Variants in WNK1 observed in about 807,000 individuals in gnomAD.
WNK1 encodes the protein serine/threonine-protein kinase WNK1.
WNK1 carries 38 observed loss-of-function variants against 222.8 expected under a neutral mutation model. The ratio of observed to expected loss-of-function variants is 0.17; its 90% confidence interval spans 0.13 to 0.22. The LOEUF is 0.22. Ranked by LOEUF, WNK1 falls within the 10% of genes least tolerant of loss-of-function variation. The pLI, the probability that WNK1 is intolerant of heterozygous loss-of-function variation, is 1.00. For missense variants in WNK1, 2,348 were observed against 2,918.4 expected (o/e 0.80, Z 4.50); for synonymous variants, 1,090 against 1,092.9 (o/e 1.00, Z 0.05).
chr12:857,257 G>C lies in WNK1; in HGVS notation c.1400+8G>C. The stretch of plus-strand genomic sequence containing the variant: ...ACAAAACAAAGATGAAAGGTAAGTT[G>C]CCTCTTTTGATCTGGGTGATACTTG... On this transcript the variant is annotated splice_region_variant and intron_variant, in intron 5 of 27. Transcript: ENST00000315939. 1 of 1,613,332 alleles carries C rather than the reference G, an allele frequency of 6.2e-7. No homozygotes were observed. The highest frequency in any genetic ancestry group is 1.1e-5 in the South Asian group (1 of 91,072).
rs72649843 is a variant in WNK1 at position 865,185 on chromosome 12, G to A, written c.2139+2915G>A. On this transcript the variant is annotated intron_variant, in intron 8 of 27. Coordinates refer to ENST00000315939, the MANE Select transcript of WNK1 (RefSeq NM_018979.4). ...GCCTCTGTGTCCCGCATCTCTCCCAGTGCTCTTCCACCCCACCGCCAGTAC... is the reference window on the plus strand; with the variant it reads ...GCCTCTGTGTCCCGCATCTCTCCCAATGCTCTTCCACCCCACCGCCAGTAC... The A allele has an allele frequency of 7.4e-6, 11 of 1,486,474 alleles. No individual in the cohort carries two copies. In the African/African-American group the frequency reaches 1.6e-4, roughly 21 times the overall value. The allele number at this position is 1,486,474 out of a possible 1,614,324, so 92.1% of individuals were successfully genotyped here.
intron 1 of WNK1, among the ~76,000 whole-genome samples, chr12:769,193 G>A (rs1387489422): frequency 6.6e-6 from 1 of 151,742 alleles, no homozygotes; most frequent in Non-Finnish European, 1.5e-5. Context: ...TTGGCTAGAA[G>A]CTACCTTCCG....
chr12:883,387 T>G lies in WNK1; in HGVS notation c.3490-8T>G. The stretch of plus-strand genomic sequence containing the variant: ...ACTAATTAGACTGACATCACATTTC[T>G]TTTACAGGTGAACAATGACTTTATT... On this transcript the variant is annotated splice_polypyrimidine_tract_variant and splice_region_variant and intron_variant, in intron 15 of 27. Coordinates refer to ENST00000315939, the MANE Select transcript of WNK1 (RefSeq NM_018979.4). 1 of 1,614,156 alleles carries G rather than the reference T, an allele frequency of 6.2e-7. No homozygotes were observed. The highest frequency in any genetic ancestry group is 8.5e-7 in the Non-Finnish European group (1 of 1,180,006).
intron 1 of WNK1, among the ~76,000 whole-genome samples, chr12:785,432 C>T (rs1466390343): frequency 1.8e-5 from 2 of 108,428 alleles, no homozygotes; most frequent in Admixed American, 2.9e-4. Flanking sequence ...TGGAGTCTTG[C>T]TCTGTCACCC....
chr12:795,262 C>T (rs2153985018), intron 1 of WNK1, among the ~76,000 whole-genome samples: 1 of 148,680 alleles, frequency 6.7e-6, no homozygotes, highest in Admixed American at 6.7e-5. Context: ...ATTCAGTCTC[C>T]TTTCTTGTTA....
Position 861,196 on chromosome 12 carries a change from G to A in WNK1, c.1804G>A (p.Gly602Arg), listed in dbSNP as rs1951194413. ...AGAACAATCCAGTGCTTCCCAGACA[G>A]GAATCAAGCAGCTCCCTTCTGCTAG... is the stretch of plus-strand genomic sequence containing the variant. ...QVEQSSASQT[G>R]IKQLPSASTG... is the part of the protein sequence containing the mutation. The change falls in exon 7 of 28, where the codon GGA (glycine) becomes AGA (arginine). Residue 602 changes from glycine (G) to arginine (R), a missense_variant. Transcript: ENST00000315939. 2 of 1,613,720 alleles carry A rather than the reference G, an allele frequency of 1.2e-6. No homozygotes were observed. Among genetic ancestry groups the A allele is most frequent in the Non-Finnish European group, 1.7e-6 (2 of 1,179,956 alleles).
intron 8 of WNK1, chr12:869,305 AC>A: frequency 1.4e-6 from 1 of 704,362 alleles, no homozygotes; most frequent in Non-Finnish European, 2.4e-6. Flanking sequence ...TACCTGATTT[AC>A]CTATTATATG....
intron 27 of WNK1, 177 bp downstream of exon 27, chr12:908,211 C>A: frequency 1.1e-6 from 1 of 898,474 alleles, no homozygotes; most frequent in Admixed American, 2.2e-5. Flanking sequence ...GAATTCCTAA[C>A]CTCTTGTTGG....
intron 4 of WNK1, among the ~76,000 whole-genome samples, chr12:850,609 A>T (rs549960263): frequency 1.6e-3 from 247 of 152,176 alleles, no homozygotes; most frequent in Admixed American, 3.5e-3. Flanking sequence ...TTTTTTTGCC[A>T]TTGCTTTTGG....
intron 1 of WNK1, among the ~76,000 whole-genome samples, 165 bp downstream of exon 1, chr12:754,489 G>T (rs72647378): frequency 1.9e-4 from 29 of 152,218 alleles, no homozygotes; most frequent in African/African-American, 6.3e-4. Context: ...TGTGGAGCAT[G>T]TGCCTAGGTG....
intron 4 of WNK1, among the ~76,000 whole-genome samples, chr12:850,158 G>A (rs1950313105): frequency 6.6e-6 from 1 of 152,194 alleles, no homozygotes. Context: ...CTTCCACAAT[G>A]GTTGAACTAG....
At chr12:857,310 G>GTACTCAA in intron 5 of WNK1, 61 bp downstream of exon 5, 1 of 1,374,370 alleles carries the variant, frequency 7.3e-7, no homozygotes, top group Non-Finnish European at 1.0e-6. Context: ...AATGTGCTTT[G>GTACTCAA]AGTACAACAC....
intron 2 of WNK1, among the ~76,000 whole-genome samples, chr12:823,301 GA>G (rs1361644838): frequency 6.6e-6 from 1 of 152,116 alleles, no homozygotes; most frequent in Non-Finnish European, 1.5e-5. Context: ...GAACTTTTTG[GA>G]TGTGTAGATT....
intron 1 of WNK1, among the ~76,000 whole-genome samples, chr12:756,222 T>G (rs987361480): frequency 3.9e-5 from 6 of 152,226 alleles, no homozygotes; most frequent in African/African-American, 1.4e-4. Flanking sequence ...CTTTATGAAT[T>G]AATTTTGTTA....
chr12:753,690 C>G lies in WNK1; in HGVS notation c.125C>G (p.Ala42Gly). The G allele has an allele frequency of 6.2e-7, 1 of 1,612,090 alleles. No individual in the cohort carries two copies. The highest frequency in any genetic ancestry group is 8.5e-7 in the Non-Finnish European group (1 of 1,179,780). ...TCCGTGGGGGAGAAACTGGGAGCCG[C>G]GGCCGCCGACGCTGTGACCGGCAGG... ...DSSVGEKLGAAAADAVTGRTE... is the reference protein window; with the variant it reads ...DSSVGEKLGAGAADAVTGRTE... The change falls in exon 1 of 28, where the codon GCG (alanine) becomes GGG (glycine). Residue 42 changes from alanine to glycine, a missense_variant. This residue lies in a region of WNK1 where 108 missense variants were observed against 109.7 expected (regional missense o/e 0.98). Coordinates refer to ENST00000315939, the MANE Select transcript of WNK1 (RefSeq NM_018979.4). This position sits in a 1 kb window ranked among gnomAD's most constrained non-coding sequence, Gnocchi z 5.2.
intron 26 of WNK1, chr12:904,449 T>C: frequency 7.8e-7 from 1 of 1,289,100 alleles, no homozygotes; most frequent in South Asian, 1.2e-5. Context: ...TCTTTGTGCT[T>C]CAGGGAAGAT....
chr12:762,694 T>TA (rs1941187194), intron 1 of WNK1, among the ~76,000 whole-genome samples: 1 of 147,578 alleles, frequency 6.8e-6, no homozygotes, highest in Non-Finnish European at 1.5e-5. Context: ...AGTGTAGAGA[T>TA]TCCAGTAGTC....
chr12:819,695 A>G (rs1947680201), intron 2 of WNK1, among the ~76,000 whole-genome samples: 2 of 152,214 alleles, frequency 1.3e-5, no homozygotes, highest in Non-Finnish European at 2.9e-5. Flanking sequence ...AGTTCTATCA[A>G]TTTAACTTTT....
chr12:899,862 A>G (rs1174501536), intron 25 of WNK1, among the ~76,000 whole-genome samples: 1 of 151,688 alleles, frequency 6.6e-6, no homozygotes, highest in Non-Finnish European at 1.5e-5. Context: ...ATAGGGTAAA[A>G]AAAAAAGCAA....
Sources: allele counts gnomAD v4.1 joint callset (sites outside exome capture counted in the v4.1 genomes callset), GRCh38; gene constraint gnomAD v4.1.1; regional missense constraint gnomAD v4.1.1; non-coding constraint Gnocchi (gnomAD v3.1); transcripts MANE v1.5; gene names NCBI Gene and HGNC (gene_info 2026-07-23, HGNC 2026-07-21).